Variants in MCU observed in about 807,000 individuals in gnomAD.
The protein encoded by MCU is calcium uniporter protein, mitochondrial.
Under a neutral mutation model 45.2 loss-of-function variants are expected in MCU, and 12 were observed. That is an observed-to-expected ratio of 0.27 (90% CI 0.17 to 0.43). MCU has a LOEUF of 0.43. Ranked by LOEUF, MCU falls within the 20% of genes least tolerant of loss-of-function variation. The pLI is 1.00. For missense variants in MCU, 324 were observed against 436.7 expected (o/e 0.74, Z 2.30); for synonymous variants, 160 against 165.1 (o/e 0.97, Z 0.24).
At chr10:72,771,629 T>G (rs550015625) in intron 1 of MCU, among the ~76,000 whole-genome samples, 1 of 152,342 alleles carries the variant, frequency 6.6e-6, no homozygotes, top group South Asian at 2.1e-4. Flanking sequence ...GTCATCCCAG[T>G]GCCTTGGAAG....
At chr10:72,828,380 GTT>G (rs897374639) in intron 1 of MCU, among the ~76,000 whole-genome samples, 3 of 152,104 alleles carry the variant, frequency 2.0e-5, no homozygotes, top group African/African-American at 7.2e-5. Context: ...GCTAATAGGT[GTT>G]TGTTTCTTAA....
intron 1 of MCU, among the ~76,000 whole-genome samples, chr10:72,740,311 A>C (rs1843309242): frequency 6.6e-6 from 1 of 151,582 alleles, no homozygotes. Flanking sequence ...CCCGGGAGGC[A>C]GAGATTGCAG....
chr10:72,784,344 A>G (rs1335723500), intron 1 of MCU, among the ~76,000 whole-genome samples: 1 of 152,214 alleles, frequency 6.6e-6, no homozygotes, highest in Non-Finnish European at 1.5e-5. Context: ...TCTTAGAAGG[A>G]TGTGTCTTAT....
intron 1 of MCU, among the ~76,000 whole-genome samples, chr10:72,827,524 A>C (rs1844816475): frequency 6.6e-6 from 1 of 152,206 alleles, no homozygotes; most frequent in Non-Finnish European, 1.5e-5. Flanking sequence ...TACTTTTTTA[A>C]AACCTTATAT....
intron 1 of MCU, among the ~76,000 whole-genome samples, chr10:72,800,956 TG>T (rs1844329777): frequency 6.6e-6 from 1 of 152,100 alleles, no homozygotes; most frequent in African/African-American, 2.4e-5. Context: ...AAAAATTCGC[TG>T]GGCATGGTGG....
chr10:72,878,111 CTTTTTTTTTTTTTTT>C (rs10715401), intron 6 of MCU, among the ~76,000 whole-genome samples: 1 of 77,950 alleles, frequency 1.3e-5, no homozygotes, highest in African/African-American at 5.9e-5. Flanking sequence ...AATAATTTTG[CTTTTTTTTTTTTTTT>C]TTTTTTTTTT....
At chr10:72,870,926 G>A (rs554187663) in intron 5 of MCU, among the ~76,000 whole-genome samples, 1 of 151,754 alleles carries the variant, frequency 6.6e-6, no homozygotes, top group Admixed American at 6.6e-5. Context: ...TTTTCAAGGG[G>A]GTTTCATTCT....
chr10:72,822,892 A>T (rs1236697869), intron 1 of MCU, among the ~76,000 whole-genome samples: 1 of 152,184 alleles, frequency 6.6e-6, no homozygotes, highest in Non-Finnish European at 1.5e-5. Context: ...AGAAATTGGA[A>T]CCCTCACTGT....
intron 6 of MCU, among the ~76,000 whole-genome samples, chr10:72,882,794 C>A (rs964631743): frequency 6.6e-6 from 1 of 152,170 alleles, no homozygotes; most frequent in Admixed American, 6.5e-5. Flanking sequence ...GTGACCCACA[C>A]CCTATTCGTA....
At chr10:72,740,164 A>G (rs1843306838) in intron 1 of MCU, among the ~76,000 whole-genome samples, 1 of 151,636 alleles carries the variant, frequency 6.6e-6, no homozygotes, top group South Asian at 2.1e-4. Context: ...GGCGGATCAC[A>G]AGGTCAGGAG....
intron 2 of MCU, among the ~76,000 whole-genome samples, chr10:72,855,780 A>G (rs1334318633): frequency 6.6e-6 from 1 of 152,204 alleles, no homozygotes; most frequent in Non-Finnish European, 1.5e-5. Context: ...TGCAAATAAT[A>G]TACATACTTT....
At chr10:72,741,464 A>C (rs1432649919) in intron 1 of MCU, among the ~76,000 whole-genome samples, 1 of 152,242 alleles carries the variant, frequency 6.6e-6, no homozygotes, top group East Asian at 1.9e-4. Flanking sequence ...AATTATGTCA[A>C]AAATATGTCC....
chr10:72,886,924 C>CA lies in MCU; in HGVS notation c.*1103dup, dbSNP rs1290870320. 1 of 152,278 alleles carries CA rather than the reference C, an allele frequency of 6.6e-6. No individual in the cohort carries two copies. Among genetic ancestry groups the CA allele is most frequent in the African/African-American group, 2.4e-5 (1 of 41,438 alleles). The allele number at this position is 152,278 out of a possible 1,614,324, so 9.4% of individuals were successfully genotyped here. A position where few individuals can be genotyped will look rare whatever the true frequency, so the allele number is the denominator to read the frequency against. Reference sequence around the variant, plus strand: ...TGCAATTTATCTTTATATAGGAATACATTTCTAGGGCTTCCTTCAAGCCCA... The same window carrying CA: ...TGCAATTTATCTTTATATAGGAATACAATTTCTAGGGCTTCCTTCAAGCCCA... On this transcript the variant is annotated 3_prime_UTR_variant, in exon 8 of 8. Coordinates refer to ENST00000373053, the MANE Select transcript of MCU (RefSeq NM_138357.3).
intron 1 of MCU, among the ~76,000 whole-genome samples, chr10:72,821,464 A>G (rs1179458712): frequency 2.0e-5 from 3 of 152,210 alleles, no homozygotes; most frequent in Middle Eastern, 3.2e-3. Flanking sequence ...GGAGAATGAA[A>G]GTGACCCATT....
At chr10:72,733,697 A>AT (rs1229884084) in intron 1 of MCU, among the ~76,000 whole-genome samples, 4 of 40,056 alleles carry the variant, frequency 1.0e-4, no homozygotes, top group Non-Finnish European at 3.8e-4. Context: ...ATATATATAT[A>AT]TATATATTTT....
intron 1 of MCU, among the ~76,000 whole-genome samples, chr10:72,806,996 C>T (rs998837418): frequency 6.6e-6 from 1 of 152,318 alleles, no homozygotes; most frequent in South Asian, 2.1e-4. Context: ...TAACATATAG[C>T]TATTAAACCA....
At chr10:72,723,879 C>G (rs1450110985) in intron 1 of MCU, among the ~76,000 whole-genome samples, 1 of 152,200 alleles carries the variant, frequency 6.6e-6, no homozygotes, top group Admixed American at 6.5e-5. Context: ...TTTACACTCA[C>G]AAGTAACAGC....
intron 1 of MCU, among the ~76,000 whole-genome samples, chr10:72,694,309 A>G (rs1414461894): frequency 6.6e-6 from 1 of 152,182 alleles, no homozygotes; most frequent in African/African-American, 2.4e-5. Flanking sequence ...TTCCATTTAA[A>G]AGATATTGAG....
At chr10:72,714,275 T>A (rs1161932067) in intron 1 of MCU, among the ~76,000 whole-genome samples, 2 of 150,788 alleles carry the variant, frequency 1.3e-5, no homozygotes, top group Non-Finnish European at 3.0e-5. Context: ...AATTTTTTTC[T>A]TGTTTAATCT....
Sources: gnomAD v4.1 joint callset for allele counts (sites outside exome capture counted in the v4.1 genomes callset) on GRCh38, gnomAD v4.1.1 for gene constraint, MANE v1.5 for transcripts, NCBI Gene and HGNC (gene_info 2026-07-23, HGNC 2026-07-21) for gene names.